KCNAB1: variants seen among roughly 807,000 people sequenced by gnomAD.
KCNAB1 encodes the protein potassium voltage-gated channel subfamily A regulatory beta subunit 1, also known as voltage-gated potassium channel subunit beta-1.
Under a neutral mutation model 64.6 loss-of-function variants are expected in KCNAB1, and 35 were observed. The ratio of observed to expected loss-of-function variants is 0.54; its 90% CI spans 0.41 to 0.72. The LOEUF (loss-of-function observed/expected upper bound fraction) is 0.72. Ranked by LOEUF, KCNAB1 falls within the 30% of genes least tolerant of loss-of-function variation. KCNAB1 has a pLI of 0.00. For synonymous variants in KCNAB1, 177 were observed against 183.8 expected (o/e 0.96, Z 0.30); for missense variants, 401 against 512.9 (o/e 0.78, Z 2.11).
intron 1 of KCNAB1, among the ~76,000 whole-genome samples, chr3:156,213,928 G>C (rs964488009): frequency 6.6e-6 from 1 of 152,120 alleles, no homozygotes; most frequent in Non-Finnish European, 1.5e-5. Context: ...CCCATCCACT[G>C]TCTACCAGGG....
At chr3:156,201,649 C>A (rs777385634) in intron 1 of KCNAB1, among the ~76,000 whole-genome samples, 1 of 152,166 alleles carries the variant, frequency 6.6e-6, no homozygotes, top group Non-Finnish European at 1.5e-5. Context: ...AATGACATTG[C>A]GGCAGGGGAG....
intron 7 of KCNAB1, among the ~76,000 whole-genome samples, chr3:156,466,410 A>G (rs1308138811): frequency 3.9e-5 from 6 of 151,982 alleles, no homozygotes; most frequent in Non-Finnish European, 7.4e-5. Context: ...CTTTTTGGCT[A>G]CTCTGAATAA....
chr3:156,534,457 C>T (rs1273071367), intron 13 of KCNAB1, among the ~76,000 whole-genome samples: 5 of 152,122 alleles, frequency 3.3e-5, no homozygotes, highest in Non-Finnish European at 7.4e-5. Flanking sequence ...CCCTCCTCCC[C>T]ACATGCCTTA....
intron 8 of KCNAB1, among the ~76,000 whole-genome samples, chr3:156,496,452 G>A (rs1459004152): frequency 2.6e-5 from 4 of 152,140 alleles, no homozygotes; most frequent in Admixed American, 6.6e-5. Context: ...CATGTAAGAC[G>A]TGCCTTCGCT....
chr3:156,262,026 C>T (rs1384856228), intron 1 of KCNAB1, among the ~76,000 whole-genome samples: 2 of 151,756 alleles, frequency 1.3e-5, no homozygotes, highest in African/African-American at 4.8e-5. Context: ...CTGTTCATTG[C>T]TAGTATATAG....
chr3:156,227,818 G>A (rs982801955), intron 1 of KCNAB1: 5 of 152,268 alleles, frequency 3.3e-5, no homozygotes, highest in African/African-American at 4.8e-5. Context: ...TAGGCAAACT[G>A]TGCTTAAGGA....
intron 1 of KCNAB1, among the ~76,000 whole-genome samples, chr3:156,376,057 C>T (rs1240220817): frequency 1.3e-5 from 2 of 152,156 alleles, no homozygotes; most frequent in Admixed American, 6.5e-5. Context: ...TGACCTCAAG[C>T]GATCCACCCG....
At chr3:156,442,468 A>T (rs1259485886) in intron 2 of KCNAB1, among the ~76,000 whole-genome samples, 1 of 152,226 alleles carries the variant, frequency 6.6e-6, no homozygotes, top group African/African-American at 2.4e-5. Flanking sequence ...ACAAATCTTA[A>T]AACAAAATGG....
chr3:156,134,681 A>G (rs900379103), intron 1 of KCNAB1, among the ~76,000 whole-genome samples: 1 of 152,264 alleles, frequency 6.6e-6, no homozygotes, highest in Non-Finnish European at 1.5e-5. Context: ...GGAATAAACC[A>G]TAGAGATTTT....
intron 1 of KCNAB1, among the ~76,000 whole-genome samples, chr3:156,316,232 G>A (rs940933226): frequency 5.9e-5 from 9 of 152,206 alleles, no homozygotes; most frequent in African/African-American, 2.2e-4. Context: ...AGGTGGCTTA[G>A]AAAACCAACA....
chr3:156,418,492 C>G (rs575052337), intron 1 of KCNAB1, among the ~76,000 whole-genome samples: 1 of 152,322 alleles, frequency 6.6e-6, no homozygotes, highest in Admixed American at 6.5e-5. Context: ...CTTAGAGTAA[C>G]TGGACAATAG....
At chr3:156,499,930 T>C (rs1716275600) in intron 8 of KCNAB1, among the ~76,000 whole-genome samples, 1 of 152,128 alleles carries the variant, frequency 6.6e-6, no homozygotes, top group Non-Finnish European at 1.5e-5. Context: ...TTGTTGCTTG[T>C]CTACCCAGCA....
intron 1 of KCNAB1, among the ~76,000 whole-genome samples, chr3:156,359,451 A>AT (rs1369343853): frequency 6.6e-6 from 1 of 152,146 alleles, no homozygotes; most frequent in African/African-American, 2.4e-5. Context: ...TTTGAAAGGA[A>AT]TTTCAAAAGG....
rs1366405259 is a variant in KCNAB1, at chr3:156,473,336, T to C, written c.572-1398T>C. 2.6e-5 allele frequency among the ~76,000 whole-genome samples: 4 copies of C among 152,184 alleles called. No individual in the cohort carries two copies. In the South Asian group the frequency reaches 8.3e-4, roughly 32 times the overall value. ...TCCCTAGCATGCTAGAGTGCAGATTTCCGACCTTTCAAACCTTGTGATACC... is the reference window on the plus strand; with the variant it reads ...TCCCTAGCATGCTAGAGTGCAGATTCCCGACCTTTCAAACCTTGTGATACC... On this transcript the variant is annotated intron_variant, in intron 7 of 13. Coordinates refer to ENST00000490337, the MANE Select transcript of KCNAB1 (RefSeq NM_172160.3).
chr3:156,325,040 G>A (rs748761369), intron 1 of KCNAB1, among the ~76,000 whole-genome samples: 2 of 152,064 alleles, frequency 1.3e-5, no homozygotes, highest in Non-Finnish European at 2.9e-5. Context: ...ATAGTATATG[G>A]GATAACAACT....
chr3:156,453,043 A>G (rs930498566), intron 3 of KCNAB1, 107 bp downstream of exon 3: 7 of 633,430 alleles, frequency 1.1e-5, no homozygotes, highest in Non-Finnish European at 1.9e-5. Flanking sequence ...GATAAGGTTT[A>G]ATTCACAGGA....
At chr3:156,444,319 C>A (rs541057838) in intron 2 of KCNAB1, among the ~76,000 whole-genome samples, 1 of 152,298 alleles carries the variant, frequency 6.6e-6, no homozygotes, top group South Asian at 2.1e-4. Context: ...AGCTGCAGCT[C>A]ATATCTGCAG....
intron 1 of KCNAB1, among the ~76,000 whole-genome samples, chr3:156,284,725 A>C (rs903178822): frequency 6.6e-6 from 1 of 151,964 alleles, no homozygotes; most frequent in African/African-American, 2.4e-5. Flanking sequence ...GAGTGACCCG[A>C]TTTTCCAGGT....
intron 8 of KCNAB1, among the ~76,000 whole-genome samples, chr3:156,492,221 G>T (rs1242562154): frequency 1.3e-5 from 2 of 151,968 alleles, no homozygotes; most frequent in African/African-American, 4.8e-5. Flanking sequence ...TACAATAAAC[G>T]CAGGACCATA....
Sources: gnomAD v4.1 joint callset for allele counts (sites outside exome capture counted in the v4.1 genomes callset) on GRCh38, gnomAD v4.1.1 for gene constraint, MANE v1.5 for transcripts, NCBI Gene and HGNC (gene_info 2026-07-23, HGNC 2026-07-21) for gene names.